The following KIF24 variants were observed in gnomAD, a reference collection of about 807,000 sequenced individuals.
The protein encoded by KIF24 is kinesin-like protein KIF24.
KIF24 carries 81 observed loss-of-function variants against 118.9 expected under a neutral mutation model. The observed-to-expected ratio is 0.68, with a 90% CI of 0.57 to 0.82. The LOEUF (loss-of-function observed/expected upper bound fraction) is 0.82. Among genes scored for constraint, KIF24 ranks in the 40% least tolerant of loss-of-function variants. The pLI is 0.00. For synonymous variants in KIF24, 599 were observed against 610.0 expected, an observed-to-expected ratio of 0.98 and a Z score of 0.27; for missense variants, 1,560 against 1,661.6, an observed-to-expected ratio of 0.94 and a Z score of 1.06.
In KIF24 at chr9:34,286,710, G is replaced by T. The variant is rs368574631; in HGVS notation, c.1128-6C>A. On this transcript the variant is annotated splice_region_variant and splice_polypyrimidine_tract_variant and intron_variant, in intron 5 of 12. Coordinates refer to ENST00000402558, the MANE Select transcript of KIF24 (RefSeq NM_194313.4). ...TATCTTCTCTTGCAAAGAGCCTGCA[G>T]ATGCAAGAAAGTGGTTGGTATGATG... is the stretch of plus-strand genomic sequence containing the variant. 108 of 1,605,466 alleles carry T rather than the reference G, an allele frequency of 6.7e-5. No homozygotes were observed. The South Asian group carries it at 1.1e-3, about 17-fold the overall frequency.
At position 34,310,830 on chromosome 9, in the gene KIF24, A is replaced by C; in HGVS notation, c.517T>G (p.Ser173Ala). 1 of 1,613,962 alleles carries C rather than the reference A, an allele frequency of 6.2e-7. No individual in the cohort carries two copies. Among genetic ancestry groups the C allele is most frequent in the Non-Finnish European group, 8.5e-7 (1 of 1,179,826 alleles). Residue 173 changes from serine to alanine, a missense_variant, in exon 2 of 13, where the codon TCA (serine) becomes GCA (alanine). Ser to Ala is a moderately conservative substitution (Grantham distance 99). Coordinates refer to ENST00000402558, the MANE Select transcript of KIF24 (RefSeq NM_194313.4). Reference sequence around the variant, plus strand: ...AGTATTGCAGAAAGGTAATTTGGTGAAAAGAGTGAAGTGCTGATTTCTGTT... The same window carrying C: ...AGTATTGCAGAAAGGTAATTTGGTGCAAAGAGTGAAGTGCTGATTTCTGTT... ...VQTEISTSLF[S>A]PNYLSAILGD... is the part of the protein sequence containing the mutation.
chr9:34,321,884 G>C (rs1837537293), intron 1 of KIF24, among the ~76,000 whole-genome samples: 1 of 152,008 alleles, frequency 6.6e-6, no homozygotes, highest in South Asian at 2.1e-4. Context: ...GGGATTACAG[G>C]CATGAGCCAC....
chr9:34,272,905 T>A (rs1164627470), intron 6 of KIF24, among the ~76,000 whole-genome samples: 1 of 152,080 alleles, frequency 6.6e-6, no homozygotes, highest in Non-Finnish European at 1.5e-5. Flanking sequence ...ATTATGGGCA[T>A]GAGCCACCTC....
At chr9:34,319,732 G>A in intron 1 of KIF24, 5 of 656,876 alleles carry the variant, frequency 7.6e-6, no homozygotes, top group South Asian at 7.5e-5. Flanking sequence ...GGATTCGGGG[G>A]AGGTGAGGTA....
Position 34,256,698 on chromosome 9 carries a change from G to A in KIF24, c.2909C>T (p.Ser970Phe), listed in dbSNP as rs1442965384. The change falls in exon 11 of 13, where the codon TCT (serine) becomes TTT (phenylalanine). Residue 970 changes from serine to phenylalanine, a missense_variant. Transcript: ENST00000402558. ...TGGCAAGTTGCCCTCATTCTCCCCA[G>A]AAACCTCACTTTGGGAGGCATCCTT... ...LRKDASQSEV[S>F]GENEGNLPSP... The A allele has an allele frequency of 6.2e-7, 1 of 1,613,860 alleles. No homozygotes were observed. The highest frequency in any genetic ancestry group is 1.3e-5 in the African/African-American group (1 of 74,936).
intron 7 of KIF24, among the ~76,000 whole-genome samples, chr9:34,270,313 G>A (rs530278011): frequency 1.4e-4 from 22 of 151,756 alleles, no homozygotes; most frequent in Admixed American, 5.9e-4. Context: ...TCAGGAGATC[G>A]AGACCCTCCT....
chr9:34,263,312 G>A, intron 8 of KIF24, 140 bp from the exon 9 acceptor site: 1 of 683,062 alleles, frequency 1.5e-6, no homozygotes, highest in Non-Finnish European at 2.7e-6. Flanking sequence ...AAAATGGCCT[G>A]TAGTTTCCAT....
intron 1 of KIF24, among the ~76,000 whole-genome samples, chr9:34,317,179 T>C (rs1442075538): frequency 2.0e-5 from 3 of 150,864 alleles, no homozygotes; most frequent in Non-Finnish European, 2.9e-5. Flanking sequence ...GATCGCGCCA[T>C]TGCACTCCAG....
chr9:34,328,679 CTA>C (rs35884680), intron 1 of KIF24, among the ~76,000 whole-genome samples: 3,508 of 152,290 alleles, frequency 0.023, 144 homozygotes, highest in African/African-American at 0.08. Context: ...TGAAAATCTA[CTA>C]TGTGCAAGAC....
At position 34,271,847 on chromosome 9, in the gene KIF24, T is replaced by C; in HGVS notation, c.1299A>G (p.Gln433=). Residue 433 remains glutamine (Q), a synonymous_variant, in exon 7 of 13, where the codon CAA becomes CAG. Coordinates refer to ENST00000402558, the MANE Select transcript of KIF24 (RefSeq NM_194313.4). ...TCTTGGCTGAATCTTTGATCTGAAT[T>C]TGGATGACGGCATGGGAGCGGGAGG... The part of the protein sequence containing the change: ...ADSSRSHAVI[Q]IQIKDSAKRT... 1 of 1,612,812 alleles carries C rather than the reference T, an allele frequency of 6.2e-7. No homozygotes were observed. Among genetic ancestry groups the C allele is most frequent in the Non-Finnish European group, 8.5e-7 (1 of 1,179,416 alleles).
At chr9:34,329,062 C>T (rs1266441745) in intron 1 of KIF24, among the ~76,000 whole-genome samples, 44 bp downstream of exon 1, 2 of 152,232 alleles carry the variant, frequency 1.3e-5, no homozygotes, top group Admixed American at 6.5e-5. Flanking sequence ...GCCACGGTTC[C>T]GGACCAGACC....
intron 6 of KIF24, 28 bp downstream of exon 6, chr9:34,286,589 G>A (rs972611220): frequency 2.1e-6 from 3 of 1,455,742 alleles, no homozygotes; most frequent in Non-Finnish European, 2.9e-6. Context: ...TGTTGTGGTG[G>A]GGTAATAAAG....
chr9:34,279,018 C>T (rs1835753497), intron 6 of KIF24, among the ~76,000 whole-genome samples: 1 of 152,096 alleles, frequency 6.6e-6, no homozygotes, highest in African/African-American at 2.4e-5. Flanking sequence ...GTGGGAGGAT[C>T]GCTTGAGCCC....
chr9:34,333,644 CAAAAAAAA>C (rs34830977), upstream of KIF24, among the ~76,000 whole-genome samples: 10 of 47,096 alleles, frequency 2.1e-4, no homozygotes, highest in South Asian at 2.7e-3. Context: ...GAGACATTGT[CAAAAAAAA>C]AAAAAAAAAA....
intron 1 of KIF24, among the ~76,000 whole-genome samples, chr9:34,313,441 C>CT (rs1837232279): frequency 6.6e-6 from 1 of 151,698 alleles, no homozygotes; most frequent in South Asian, 2.1e-4. Flanking sequence ...CAATATCTCT[C>CT]TTTAAATAAT....
rs1834696169 is a variant in KIF24, at chr9:34,253,632, C to G, written c.*748G>C. The G allele has an allele frequency of 6.6e-6, 1 of 152,194 alleles. No homozygotes were observed. The highest frequency in any genetic ancestry group is 2.4e-5 in the African/African-American group (1 of 41,380). 9.4% of individuals were successfully genotyped at this position (152,194 alleles called of 1,614,324 possible). A position where few individuals can be genotyped will look rare whatever the true frequency, so the allele number is the denominator to read the frequency against. On this transcript the variant is annotated 3_prime_UTR_variant, in exon 13 of 13. Coordinates refer to ENST00000402558, the MANE Select transcript of KIF24 (RefSeq NM_194313.4). ...AGCTGCCATGGAAGCATGAGAGTATCGGGCATTGTACAGAGGCCTTTCACC... is the reference window on the plus strand; with the variant it reads ...AGCTGCCATGGAAGCATGAGAGTATGGGGCATTGTACAGAGGCCTTTCACC...
chr9:34,327,342 C>A (rs527394266), intron 1 of KIF24, among the ~76,000 whole-genome samples: 1 of 151,656 alleles, frequency 6.6e-6, no homozygotes, highest in Admixed American at 6.6e-5. Context: ...CCTCACTTTA[C>A]GACAAAAGAG....
chr9:34,295,910 G>A (rs1363379200), intron 4 of KIF24, among the ~76,000 whole-genome samples: 1 of 151,910 alleles, frequency 6.6e-6, no homozygotes, highest in Non-Finnish European at 1.5e-5. Flanking sequence ...CGTTTATTAA[G>A]TGTGAATAAT....
intron 1 of KIF24, among the ~76,000 whole-genome samples, chr9:34,328,617 G>T (rs1008047212): frequency 6.6e-6 from 1 of 152,196 alleles, no homozygotes; most frequent in Non-Finnish European, 1.5e-5. Flanking sequence ...AGGGCATGAA[G>T]AGGAATCCAA....
Sources: allele counts gnomAD v4.1 joint callset (sites outside exome capture counted in the v4.1 genomes callset), GRCh38; gene constraint gnomAD v4.1.1; transcripts MANE v1.5; gene names NCBI Gene and HGNC (gene_info 2026-07-23, HGNC 2026-07-21).